Variants in DLGAP2 observed in about 807,000 individuals in gnomAD.
The protein encoded by DLGAP2 is disks large-associated protein 2.
DLGAP2 carries 26 observed loss-of-function variants against 100.3 expected under a neutral mutation model. That is an observed-to-expected ratio of 0.26 (90% confidence interval 0.19 to 0.36). The LOEUF (loss-of-function observed/expected upper bound fraction) is 0.36, where lower values mean the gene tolerates loss of function less well. DLGAP2 is among the 10% of genes least tolerant of loss of function. The pLI, the probability that DLGAP2 is intolerant of heterozygous loss-of-function variation, is 1.00. For synonymous variants in DLGAP2, 886 were observed against 630.1 expected, an observed-to-expected ratio of 1.41 and a Z score of -6.08; for missense variants, 1,858 against 1,453.2, an observed-to-expected ratio of 1.28 and a Z score of -4.53.
intron 2 of DLGAP2, among the ~76,000 whole-genome samples, chr8:974,301 G>A (rs1800107873): frequency 6.6e-6 from 1 of 152,142 alleles, no homozygotes; most frequent in Non-Finnish European, 1.5e-5. Flanking sequence ...AGAGGGGTAA[G>A]GATAAGAATT....
chr8:1,349,234 G>A (rs565771552), intron 3 of DLGAP2, among the ~76,000 whole-genome samples: 28 of 151,478 alleles, frequency 1.8e-4, no homozygotes, highest in African/African-American at 6.5e-4. Context: ...TAATGTAGTT[G>A]AGATACTTAA....
At chr8:1,216,987 G>A (rs981229321) in intron 2 of DLGAP2, among the ~76,000 whole-genome samples, 2 of 152,146 alleles carry the variant, frequency 1.3e-5, no homozygotes, top group African/African-American at 4.8e-5. Flanking sequence ...TAGGTTTGGG[G>A]TGCATGGACA....
At chr8:1,182,811 C>T (rs1742267688) in intron 2 of DLGAP2, among the ~76,000 whole-genome samples, 3 of 152,260 alleles carry the variant, frequency 2.0e-5, no homozygotes, top group Admixed American at 2.0e-4. Flanking sequence ...CACGGGTCGG[C>T]AACTCTGGGC....
chr8:1,111,378 G>A (rs890745517), intron 2 of DLGAP2, among the ~76,000 whole-genome samples: 4 of 151,982 alleles, frequency 2.6e-5, no homozygotes, highest in Non-Finnish European at 5.9e-5. Flanking sequence ...GTGTGACCTT[G>A]GGCGTGTTTC....
chr8:1,606,100 C>T (rs1796787956), intron 6 of DLGAP2, among the ~76,000 whole-genome samples: 1 of 152,186 alleles, frequency 6.6e-6, no homozygotes, highest in Non-Finnish European at 1.5e-5. Context: ...CCTCACTGTC[C>T]TTCCTTGAGG....
chr8:777,305 A>G (rs1821549559), intron 1 of DLGAP2, among the ~76,000 whole-genome samples: 1 of 151,252 alleles, frequency 6.6e-6, no homozygotes, highest in South Asian at 2.1e-4. Context: ...TCTTTATCCA[A>G]TTTGCCAGTC....
Position 1,683,954 on chromosome 8 carries a change from GTATATATATATATATA to G in DLGAP2, c.2704+5344_2704+5359del, listed in dbSNP as rs59220880. 1.6e-4 allele frequency among the ~76,000 whole-genome samples: 12 copies of G among 74,734 alleles called. 1 individual carries two copies. The highest frequency in any genetic ancestry group is 2.3e-4 in the Non-Finnish European group (10 of 43,184). The allele number at this position is 74,734 out of a possible 152,430, so 49.0% of individuals were successfully genotyped here. Reference sequence around the variant, plus strand: ...TATATATGTGTATATATATATGTGTGTATATATATATATATATATATATATATATATATACTTTTTT... The same window carrying G: ...TATATATGTGTATATATATATGTGTGTATATATATATATATATACTTTTTT... On this transcript the variant is annotated intron_variant, in intron 12 of 14. Coordinates refer to ENST00000637795, the MANE Select transcript of DLGAP2 (RefSeq NM_001346810.2).
Position 908,513 on chromosome 8 carries a change from G to C in DLGAP2, c.73+547G>C, listed in dbSNP as rs184597772. Among the ~76,000 whole-genome samples the C allele has an allele frequency of 1.3e-3, 196 of 152,222 alleles. 2 individuals carry two copies. Among genetic ancestry groups the C allele is most frequent in the African/African-American group, 4.5e-3 (185 of 41,518 alleles). On this transcript the variant is annotated intron_variant, in intron 2 of 14. Transcript: ENST00000637795. ...TTCTCATGGCAGGATGGGCGTGTGT[G>C]GCTGGTGGTTGTGAGGAAGTGTTTT... is the stretch of plus-strand genomic sequence containing the variant.
chr8:764,372 C>G (rs1011891385), intron 1 of DLGAP2, among the ~76,000 whole-genome samples: 1 of 152,244 alleles, frequency 6.6e-6, no homozygotes, highest in Non-Finnish European at 1.5e-5. Context: ...CTATGAACTA[C>G]TCCATCCATC....
chr8:1,144,146 G>A (rs1317143308), intron 2 of DLGAP2, among the ~76,000 whole-genome samples: 5 of 152,222 alleles, frequency 3.3e-5, no homozygotes, highest in Admixed American at 6.5e-5. Flanking sequence ...GAAGAATAAA[G>A]ATGAGGCAAA....
intron 3 of DLGAP2, among the ~76,000 whole-genome samples, chr8:1,416,352 C>T (rs1318303202): frequency 6.6e-6 from 1 of 152,200 alleles, no homozygotes; most frequent in Non-Finnish European, 1.5e-5. Flanking sequence ...GTATTTCAGA[C>T]GTGCCTGGTC....
At chr8:1,684,993 C>T (rs1799077893) in intron 12 of DLGAP2, among the ~76,000 whole-genome samples, 1 of 152,106 alleles carries the variant, frequency 6.6e-6, no homozygotes. Context: ...ACATTCAAGG[C>T]AAACACTAAT....
In DLGAP2 at chr8:1,170,099, T is replaced by C. The variant is rs569250740; in HGVS notation, c.74-88752T>C. The stretch of plus-strand genomic sequence containing the variant: ...TGAGAGTTTTTAGCATGAAGTGTTG[T>C]TGAATTTTGTCAAAGGCCTTTTCTG... On this transcript the variant is annotated intron_variant, in intron 2 of 14. Coordinates refer to ENST00000637795, the MANE Select transcript of DLGAP2 (RefSeq NM_001346810.2). 6.0e-4 allele frequency among the ~76,000 whole-genome samples: 92 copies of C among 152,338 alleles called. 4 individuals carry two copies. In the South Asian group the frequency reaches 0.018, roughly 31 times the overall value.
rs536248226 is a variant in DLGAP2 at position 1,566,598 on chromosome 8, G to T, written c.1442+704G>T. Among the ~76,000 whole-genome samples, 4 of 152,286 alleles carry T rather than the reference G, an allele frequency of 2.6e-5. No individual in the cohort carries two copies. In the East Asian group the frequency reaches 7.7e-4, roughly 29 times the overall value. ...TTCTGCGGCCGGCTGTGAGGTCCTG[G>T]GCAAGTGGATAGGCAGGGCGGAACT... On this transcript the variant is annotated intron_variant, in intron 6 of 14. Transcript: ENST00000637795.
intron 2 of DLGAP2, among the ~76,000 whole-genome samples, chr8:1,065,694 C>T (rs370466161): frequency 7.8e-4 from 119 of 152,304 alleles, no homozygotes; most frequent in Non-Finnish European, 1.5e-3. Context: ...TCCTGAGATT[C>T]ATCTGTGCTG....
Position 1,183,290 on chromosome 8 carries a change from C to T in DLGAP2, c.74-75561C>T, listed in dbSNP as rs1388783970. 2.0e-5 allele frequency among the ~76,000 whole-genome samples: 3 copies of T among 152,066 alleles called. No individual in the cohort carries two copies. In the East Asian group the frequency reaches 5.8e-4, roughly 29 times the overall value. On this transcript the variant is annotated intron_variant, in intron 2 of 14. Coordinates refer to ENST00000637795, the MANE Select transcript of DLGAP2 (RefSeq NM_001346810.2). ...GGGAGACTCCAGAATAATATCAGTT[C>T]ACACAATAAATAAAATAACTACATG...
chr8:1,338,685 T>C lies in DLGAP2; in HGVS notation c.106+79802T>C, dbSNP rs146262779. Among the ~76,000 whole-genome samples, 27 of 152,350 alleles carry C rather than the reference T, an allele frequency of 1.8e-4. No individual in the cohort carries two copies. In the East Asian group the frequency reaches 4.4e-3, roughly 25 times the overall value. Reference sequence around the variant, plus strand: ...CAAACCAAAAACTAAAGACACGATCTGTACAGTATCAGGAGCATACGGTCC... The same window carrying C: ...CAAACCAAAAACTAAAGACACGATCCGTACAGTATCAGGAGCATACGGTCC... On this transcript the variant is annotated intron_variant, in intron 3 of 14. Transcript: ENST00000637795.
At chr8:788,023 G>A (rs1000324297) in intron 1 of DLGAP2, among the ~76,000 whole-genome samples, 1 of 139,676 alleles carries the variant, frequency 7.2e-6, no homozygotes, top group Non-Finnish European at 1.6e-5. Flanking sequence ...GCAGCATGGT[G>A]GCCACAGGGG....
At chr8:1,174,951 G>T (rs1481337563) in intron 2 of DLGAP2, among the ~76,000 whole-genome samples, 2 of 123,066 alleles carry the variant, frequency 1.6e-5, no homozygotes, top group African/African-American at 6.1e-5. Flanking sequence ...ATGATGATAA[G>T]AAAATTAATT....
Sources: allele counts gnomAD v4.1 joint callset (sites outside exome capture counted in the v4.1 genomes callset), GRCh38; gene constraint gnomAD v4.1.1; transcripts MANE v1.5; gene names NCBI Gene and HGNC (gene_info 2026-07-23, HGNC 2026-07-21).